Variants in SORCS2 observed in about 807,000 individuals in gnomAD.
The protein encoded by SORCS2 is VPS10 domain-containing receptor SorCS2.
A neutral mutation model predicts 141.6 loss-of-function variants in SORCS2; 100 were observed. The ratio of observed to expected loss-of-function variants is 0.71; its 90% CI spans 0.60 to 0.83. The LOEUF (loss-of-function observed/expected upper bound fraction) is 0.83. Ranked by LOEUF, SORCS2 falls within the 40% of genes least tolerant of loss-of-function variation. The pLI is 0.00. For synonymous variants in SORCS2, 789 were observed against 676.9 expected (o/e 1.17, Z -2.57); for missense variants, 1,646 against 1,560.2 (o/e 1.05, Z -0.93).
rs986797806 is a variant in SORCS2 at position 7,233,937 on chromosome 4, T to C, written c.480+40811T>C. ...TTTCCGCATCTGTAAAAGGAGGCTG[T>C]TGGGCTCAGGAGCAAGATGGAAAGG... On this transcript the variant is annotated intron_variant, in intron 1 of 26. Coordinates refer to ENST00000507866, the MANE Select transcript of SORCS2 (RefSeq NM_020777.3). This position sits in a 1 kb window ranked among gnomAD's most constrained non-coding sequence, Gnocchi z 4.5. Among the ~76,000 whole-genome samples, 4 of 152,260 alleles carry C rather than the reference T, an allele frequency of 2.6e-5. No individual in the cohort carries two copies. The East Asian group carries it at 7.7e-4, about 29-fold the overall frequency.
chr4:7,214,359 C>A (rs1446991030), intron 1 of SORCS2, among the ~76,000 whole-genome samples: 2 of 152,146 alleles, frequency 1.3e-5, no homozygotes, highest in Non-Finnish European at 2.9e-5. Context: ...TTCAGCTCCC[C>A]TTTTCCTCTT....
chr4:7,468,192 CA>C (rs982798413), intron 2 of SORCS2, among the ~76,000 whole-genome samples: 1 of 152,220 alleles, frequency 6.6e-6, no homozygotes, highest in African/African-American at 2.4e-5. Context: ...GTACTGATTA[CA>C]AGGCTTCTGT....
intron 3 of SORCS2, among the ~76,000 whole-genome samples, chr4:7,543,487 TCATCCATCCATCCATCCATC>T (rs144933241): frequency 8.8e-6 from 1 of 114,030 alleles, no homozygotes; most frequent in Non-Finnish European, 1.8e-5. Context: ...ATTCACCCAC[TCATCCATCCATCCATCCATC>T]CATCCATCCA....
intron 1 of SORCS2, among the ~76,000 whole-genome samples, chr4:7,352,384 G>A (rs1044289527): frequency 1.3e-5 from 2 of 152,238 alleles, no homozygotes; most frequent in African/African-American, 4.8e-5. Context: ...GCTCAGAGGT[G>A]TGTGGGCCAG....
chr4:7,370,289 C>G (rs751306721), intron 1 of SORCS2, among the ~76,000 whole-genome samples: 11 of 152,212 alleles, frequency 7.2e-5, no homozygotes, highest in African/African-American at 1.2e-4. Context: ...TCAGGACTTT[C>G]CTTCTGTTTG....
chr4:7,731,300 G>A (rs562719425), intron 23 of SORCS2, among the ~76,000 whole-genome samples: 1 of 152,104 alleles, frequency 6.6e-6, no homozygotes, highest in East Asian at 1.9e-4. Flanking sequence ...TAAAACACCA[G>A]TACAAGAATT....
At chr4:7,374,026 G>C (rs1379613009) in intron 1 of SORCS2, among the ~76,000 whole-genome samples, 1 of 152,130 alleles carries the variant, frequency 6.6e-6, no homozygotes, top group Non-Finnish European at 1.5e-5. Context: ...TCTTCTAGAA[G>C]TTTTACAGTT....
intron 11 of SORCS2, among the ~76,000 whole-genome samples, chr4:7,694,185 C>A (rs144226472): frequency 3.0e-4 from 46 of 152,264 alleles, no homozygotes; most frequent in African/African-American, 1.1e-3. Flanking sequence ...TGAGCACTGA[C>A]TCCTACCACT....
In SORCS2 at chr4:7,192,929, G is replaced by T. The variant is rs892330951; in HGVS notation, c.283G>T (p.Gly95Cys). 1.6e-6 allele frequency: 2 copies of T among 1,258,818 alleles called. No individual in the cohort carries two copies. The highest frequency in any genetic ancestry group is 2.0e-6 in the Non-Finnish European group (2 of 1,005,208). 78.0% of individuals were successfully genotyped at this position (1,258,818 alleles called of 1,614,324 possible). ...QARGTEPGAP[G>C]PSPGPAPGPG... Reference sequence around the variant, plus strand: ...GCGCGGCACGGAGCCAGGCGCCCCGGGTCCGAGTCCCGGTCCCGCTCCTGG... The same window carrying T: ...GCGCGGCACGGAGCCAGGCGCCCCGTGTCCGAGTCCCGGTCCCGCTCCTGG... The change falls in exon 1 of 27, where the codon GGT becomes TGT. Residue 95 changes from glycine (G) to cysteine (C), a missense_variant. Coordinates refer to ENST00000507866, the MANE Select transcript of SORCS2 (RefSeq NM_020777.3). The surrounding 1 kb of genome is among the most constrained non-coding windows in gnomAD (Gnocchi z 4.0).
intron 3 of SORCS2, among the ~76,000 whole-genome samples, chr4:7,582,930 C>G (rs1234958440): frequency 6.6e-6 from 1 of 152,162 alleles, no homozygotes; most frequent in African/African-American, 2.4e-5. Context: ...GGGTCAGATC[C>G]CCACCCACCG....
Position 7,697,239 on chromosome 4 carries a change from T to G in SORCS2, c.1633T>G (p.Tyr545Asp). The G allele has an allele frequency of 6.3e-7, 1 of 1,591,674 alleles. No individual in the cohort carries two copies. The highest frequency in any genetic ancestry group is 8.6e-7 in the Non-Finnish European group (1 of 1,169,344). The change falls in exon 12 of 27, where the codon TAC (tyrosine) becomes GAC (aspartate). Residue 545 changes from tyrosine (Y) to aspartate (D), a missense_variant. By Grantham distance (160) the Tyr-to-Asp change is radical (BLOSUM62 -3). Transcript: ENST00000507866. ...GCTGGTGGAATATAAAGAAGAAATG[T>G]ACATCACGTCAGACTGTGGTCACAC... Reference protein sequence around the residue: ...SQLVEYKEEMYITSDCGHTWR... With the variant: ...SQLVEYKEEMDITSDCGHTWR...
chr4:7,380,587 G>C (rs940916766), intron 1 of SORCS2, among the ~76,000 whole-genome samples: 3 of 152,372 alleles, frequency 2.0e-5, no homozygotes, highest in East Asian at 3.9e-4. Flanking sequence ...CGTCAATGTG[G>C]TTTCCGTCAT....
At chr4:7,657,141 G>A (rs1039519403) in intron 5 of SORCS2, among the ~76,000 whole-genome samples, 126 of 152,382 alleles carry the variant, frequency 8.3e-4, no homozygotes, top group African/African-American at 2.9e-3. Flanking sequence ...CCTGTACACC[G>A]GTGTCTAGCC....
intron 25 of SORCS2, among the ~76,000 whole-genome samples, chr4:7,735,153 T>C (rs1422554723): frequency 6.6e-6 from 1 of 152,172 alleles, no homozygotes; most frequent in Non-Finnish European, 1.5e-5. Flanking sequence ...CAAACGCAGC[T>C]CCCAGATTTG....
chr4:7,428,570 C>A (rs1429823243), intron 2 of SORCS2, among the ~76,000 whole-genome samples: 1 of 152,090 alleles, frequency 6.6e-6, no homozygotes, highest in Admixed American at 6.5e-5. Flanking sequence ...AGGTGGGGGC[C>A]GGAGGTGATG....
chr4:7,669,779 T>C (rs1007489136), intron 8 of SORCS2, among the ~76,000 whole-genome samples: 1 of 152,242 alleles, frequency 6.6e-6, no homozygotes, highest in Non-Finnish European at 1.5e-5. Context: ...CTCAGCCATA[T>C]GCAAAAGGGC....
At chr4:7,276,512 G>T (rs62279995) in intron 1 of SORCS2, among the ~76,000 whole-genome samples, 1 of 152,164 alleles carries the variant, frequency 6.6e-6, no homozygotes, top group Non-Finnish European at 1.5e-5. Flanking sequence ...ATGTAGAGGA[G>T]GCCCCTGTAT....
intron 3 of SORCS2, among the ~76,000 whole-genome samples, chr4:7,601,148 C>T (rs930350095): frequency 1.3e-5 from 2 of 152,176 alleles, no homozygotes; most frequent in Non-Finnish European, 2.9e-5. Flanking sequence ...TTTTAATAGA[C>T]TGCTTAATGA....
At chr4:7,623,907 C>G (rs569233213) in intron 3 of SORCS2, among the ~76,000 whole-genome samples, 1 of 152,294 alleles carries the variant, frequency 6.6e-6, no homozygotes, top group East Asian at 1.9e-4. Context: ...CAGCGCGCGT[C>G]CCATATCCAC....
Sources: gnomAD v4.1 joint callset for allele counts (sites outside exome capture counted in the v4.1 genomes callset) on GRCh38, gnomAD v4.1.1 for gene constraint, Gnocchi (gnomAD v3.1) non-coding constraint, MANE v1.5 for transcripts, NCBI Gene and HGNC (gene_info 2026-07-23, HGNC 2026-07-21) for gene names.